Variants in SENP7 observed in about 807,000 individuals in gnomAD.
SENP7 encodes the protein sentrin-specific protease 7.
In SENP7, 64 loss-of-function variants were observed where a neutral mutation model predicts 141.2. That is an observed-to-expected ratio of 0.45 (90% confidence interval 0.37 to 0.56). SENP7 has a LOEUF of 0.56. SENP7 is among the 20% of genes least tolerant of loss of function. The pLI is 0.00. For synonymous variants in SENP7, 382 were observed against 426.4 expected, an observed-to-expected ratio of 0.90 and a Z score of 1.28; for missense variants, 1,025 against 1,212.2, an observed-to-expected ratio of 0.85 and a Z score of 2.29.
intron 4 of SENP7, among the ~76,000 whole-genome samples, chr3:101,434,987 G>A (rs1324340522): frequency 6.6e-6 from 1 of 151,960 alleles, no homozygotes; most frequent in South Asian, 2.1e-4. Flanking sequence ...CTACAGGCCA[G>A]CATCTCTGAT....
At chr3:101,369,609 G>A (rs1167992085) in intron 7 of SENP7, among the ~76,000 whole-genome samples, 1 of 151,882 alleles carries the variant, frequency 6.6e-6, no homozygotes, top group Non-Finnish European at 1.5e-5. Flanking sequence ...CTATAAAAGT[G>A]GTCTAATACA....
chr3:101,416,413 GT>G (rs1405966174), intron 5 of SENP7, among the ~76,000 whole-genome samples: 3 of 152,138 alleles, frequency 2.0e-5, no homozygotes, highest in East Asian at 3.9e-4. Flanking sequence ...TTTGAAGAGA[GT>G]TTAAAGGTTC....
chr3:101,427,121 A>AT (rs1309681644), intron 4 of SENP7, among the ~76,000 whole-genome samples: 3 of 152,192 alleles, frequency 2.0e-5, no homozygotes, highest in African/African-American at 7.2e-5. Context: ...ATCCACCAGC[A>AT]TACCAAAAAG....
chr3:101,367,473 T>A (rs1170283330), intron 8 of SENP7, among the ~76,000 whole-genome samples: 2 of 151,686 alleles, frequency 1.3e-5, no homozygotes, highest in Admixed American at 6.6e-5. Flanking sequence ...ATAATAATTT[T>A]ACAGAGCAAG....
chr3:101,428,108 C>T (rs1213627737), intron 4 of SENP7, among the ~76,000 whole-genome samples: 5 of 152,108 alleles, frequency 3.3e-5, no homozygotes, highest in Admixed American at 6.6e-5. Context: ...GATGGGCATT[C>T]GGGTTGGTTC....
chr3:101,372,189 T>C, intron 6 of SENP7, 63 bp from the exon 7 acceptor site: 2 of 772,512 alleles, frequency 2.6e-6, no homozygotes, highest in Admixed American at 2.6e-5. Flanking sequence ...AGAAGCCAAC[T>C]AGCATGTATT....
intron 4 of SENP7, among the ~76,000 whole-genome samples, chr3:101,453,749 GA>G (rs1271263251): frequency 6.6e-6 from 1 of 152,100 alleles, no homozygotes; most frequent in Non-Finnish European, 1.5e-5. Context: ...ATAGCATTAG[GA>G]GATATACCTA....
At chr3:101,496,748 T>C (rs1163644534) in intron 2 of SENP7, among the ~76,000 whole-genome samples, 1 of 152,110 alleles carries the variant, frequency 6.6e-6, no homozygotes, top group Non-Finnish European at 1.5e-5. Flanking sequence ...CAGCTAATTT[T>C]TGTATTTTCA....
Position 101,398,887 on chromosome 3 carries a change from AG to A in SENP7, c.650del (p.Pro217LeufsTer18). The stretch of plus-strand genomic sequence containing the variant: ...TTTCAGATAAATAACAGCTCTTGTG[AG>A]GGTTTAGATTTTGATAAGATTCTAG... ...GSLESYQNLN[P>X]HKSCYLSERG... On this transcript the variant is annotated frameshift_variant, in exon 6 of 24. Coordinates refer to ENST00000394095, the MANE Select transcript of SENP7 (RefSeq NM_020654.5). LOFTEE classifies it high-confidence loss of function. 1.2e-6 allele frequency: 2 copies of A among 1,606,424 alleles called. No homozygotes were observed. The highest frequency in any genetic ancestry group is 1.7e-6 in the Non-Finnish European group (2 of 1,176,046).
chr3:101,459,341 A>C (rs1161585883), intron 3 of SENP7, among the ~76,000 whole-genome samples: 1 of 152,206 alleles, frequency 6.6e-6, no homozygotes, highest in Non-Finnish European at 1.5e-5. Context: ...GAATGTACTT[A>C]AAGGAATAAA....
chr3:101,403,478 T>C (rs2061210890), intron 5 of SENP7, among the ~76,000 whole-genome samples: 1 of 152,210 alleles, frequency 6.6e-6, no homozygotes, highest in Admixed American at 6.5e-5. Flanking sequence ...GCTTTCCTAG[T>C]GGAAGAACCT....
chr3:101,384,964 T>C (rs761038831), intron 6 of SENP7, among the ~76,000 whole-genome samples: 2 of 152,170 alleles, frequency 1.3e-5, no homozygotes, highest in Non-Finnish European at 2.9e-5. Context: ...CTAATAGCAG[T>C]GCAAGAATGG....
chr3:101,329,870 G>A (rs1436612577), intron 20 of SENP7, among the ~76,000 whole-genome samples: 1 of 149,990 alleles, frequency 6.7e-6, no homozygotes, highest in South Asian at 2.1e-4. Context: ...CAGGAGAATC[G>A]CTTGAATCCA....
intron 4 of SENP7, among the ~76,000 whole-genome samples, chr3:101,433,658 A>G (rs949858648): frequency 1.3e-5 from 2 of 152,194 alleles, no homozygotes; most frequent in African/African-American, 4.8e-5. Flanking sequence ...GACTAAAATG[A>G]TAAGAAGAGA....
chr3:101,338,152 CAA>C lies in SENP7; in HGVS notation c.2358-523_2358-522del, dbSNP rs34227978. Reference sequence around the variant, plus strand: ...TGGGTGACACAGCGAGACTCTGTCTCAAAAAAAAAAAAAAAAATTAAAAAACT... The same window carrying C: ...TGGGTGACACAGCGAGACTCTGTCTCAAAAAAAAAAAAAAATTAAAAAACT... On this transcript the variant is annotated intron_variant, in intron 16 of 23. Coordinates refer to ENST00000394095, the MANE Select transcript of SENP7 (RefSeq NM_020654.5). Among the ~76,000 whole-genome samples, 104 of 113,684 alleles carry C rather than the reference CAA, an allele frequency of 9.1e-4. 1 individual carries two copies. The highest frequency in any genetic ancestry group is 3.4e-3 in the East Asian group (14 of 4,130). The allele number at this position is 113,684 out of a possible 152,430, so 74.6% of individuals were successfully genotyped here.
rs1177282153 is a variant in SENP7, at chr3:101,333,008, T to C, written c.2481-146A>G. On this transcript the variant is annotated intron_variant, in intron 17 of 23. Transcript: ENST00000394095. ...TATCATATTTAACACATTATAAATA[T>C]ATCTCCTTATAGTAACCCCTGGTTA... The C allele has an allele frequency of 8.1e-6, 6 of 738,476 alleles. No homozygotes were observed. In the East Asian group the frequency reaches 1.9e-4, roughly 24 times the overall value. The allele number at this position is 738,476 out of a possible 1,614,324, so 45.7% of individuals were successfully genotyped here. A position where few individuals can be genotyped will look rare whatever the true frequency, so the allele number is the denominator to read the frequency against.
At position 101,385,632 on chromosome 3, in the gene SENP7, A is replaced by G. The variant is rs182133165; in HGVS notation, c.677+13229T>C. Among the ~76,000 whole-genome samples, 19 of 152,280 alleles carry G rather than the reference A, an allele frequency of 1.2e-4. No individual in the cohort carries two copies. The East Asian group carries it at 3.5e-3, about 28-fold the overall frequency. On this transcript the variant is annotated intron_variant, in intron 6 of 23. Transcript: ENST00000394095. Reference sequence around the variant, plus strand: ...CAATTGCACTACCATCCAGAGCTCAAATGAATTGCAGAGCTCCTCCAGTGC... The same window carrying G: ...CAATTGCACTACCATCCAGAGCTCAGATGAATTGCAGAGCTCCTCCAGTGC...
At chr3:101,488,191 C>G (rs1226176290) in intron 3 of SENP7, among the ~76,000 whole-genome samples, 1 of 152,042 alleles carries the variant, frequency 6.6e-6, no homozygotes, top group Admixed American at 6.6e-5. Context: ...GTCAACTGTA[C>G]TCCTAGGTAT....
intron 6 of SENP7, among the ~76,000 whole-genome samples, chr3:101,396,317 G>A (rs890545305): frequency 3.9e-5 from 6 of 152,134 alleles, no homozygotes; most frequent in Non-Finnish European, 5.9e-5. Flanking sequence ...AGGCAGAAGC[G>A]TACAGATTAC....
Sources: gnomAD v4.1 joint callset for allele counts (sites outside exome capture counted in the v4.1 genomes callset) on GRCh38, gnomAD v4.1.1 for gene constraint, MANE v1.5 for transcripts, NCBI Gene and HGNC (gene_info 2026-07-23, HGNC 2026-07-21) for gene names.